Variants in GDAP1 observed in about 807,000 individuals in gnomAD.
GDAP1 encodes ganglioside induced differentiation associated protein 1, also known as ganglioside-induced differentiation-associated protein 1.
In GDAP1, 34 loss-of-function variants were observed where a neutral mutation model predicts 40.1. The observed-to-expected ratio is 0.85, with a 90% confidence interval of 0.64 to 1.13. The LOEUF (loss-of-function observed/expected upper bound fraction) is 1.13, where lower values mean the gene tolerates loss of function less well. Among genes scored for constraint, GDAP1 ranks in the 50% most tolerant of loss-of-function variants. The pLI, the probability that GDAP1 is intolerant of heterozygous loss-of-function variation, is 0.00. For synonymous variants in GDAP1, 170 were observed against 157.4 expected (o/e 1.08, Z -0.60); for missense variants, 374 against 433.7 (o/e 0.86, Z 1.22).
chr8:74,481,272 AG>A (rs1005132853), intron 2 of GDAP1, among the ~76,000 whole-genome samples: 1 of 152,238 alleles, frequency 6.6e-6, no homozygotes, highest in African/African-American at 2.4e-5. Context: ...TTCTCAGAAC[AG>A]TGCCTTCAGC....
chr8:74,376,296 A>G (rs1299574348), intron 2 of GDAP1, among the ~76,000 whole-genome samples: 1 of 152,084 alleles, frequency 6.6e-6, no homozygotes. Flanking sequence ...TGCGAAGGAC[A>G]TAGTAATAGA....
intron 2 of GDAP1, among the ~76,000 whole-genome samples, chr8:74,426,832 A>G (rs989856476): frequency 6.6e-6 from 1 of 152,200 alleles, no homozygotes; most frequent in Non-Finnish European, 1.5e-5. Flanking sequence ...GGAAATACAT[A>G]CAAAATAACT....
At chr8:74,433,945 T>C (rs750539609) in intron 2 of GDAP1, among the ~76,000 whole-genome samples, 1 of 152,246 alleles carries the variant, frequency 6.6e-6, no homozygotes, top group Non-Finnish European at 1.5e-5. Flanking sequence ...TGTGGCTCCA[T>C]GGGGAAGGAA....
chr8:74,480,238 C>T (rs1205822801), intron 2 of GDAP1, among the ~76,000 whole-genome samples: 4 of 152,008 alleles, frequency 2.6e-5, no homozygotes, highest in African/African-American at 4.8e-5. Context: ...TCACCCGCCT[C>T]GGCCTCCCAA....
At chr8:74,418,355 C>A (rs544593720) in intron 2 of GDAP1, among the ~76,000 whole-genome samples, 20 of 152,192 alleles carry the variant, frequency 1.3e-4, no homozygotes, top group African/African-American at 4.3e-4. Flanking sequence ...GTCAATTGAA[C>A]AAAACAGAGA....
At chr8:74,418,350 T>C (rs974534280) in intron 2 of GDAP1, among the ~76,000 whole-genome samples, 1 of 152,182 alleles carries the variant, frequency 6.6e-6, no homozygotes. Flanking sequence ...TATGGGTCAA[T>C]TGAACAAAAC....
intron 2 of GDAP1, among the ~76,000 whole-genome samples, chr8:74,480,755 T>A (rs2128721565): frequency 6.6e-6 from 1 of 152,352 alleles, no homozygotes; most frequent in Non-Finnish European, 1.5e-5. Context: ...ACACTGTGTC[T>A]TTTGAGCTTT....
At chr8:74,485,839 A>G (rs556260035) in intron 2 of GDAP1, among the ~76,000 whole-genome samples, 1 of 152,210 alleles carries the variant, frequency 6.6e-6, no homozygotes, top group East Asian at 1.9e-4. Context: ...GGGAGTGTGG[A>G]CTCTGCTGGA....
intron 2 of GDAP1, among the ~76,000 whole-genome samples, chr8:74,476,098 G>T (rs531071073): frequency 1.3e-5 from 2 of 152,206 alleles, no homozygotes; most frequent in South Asian, 4.2e-4. Context: ...AATTAGGATT[G>T]CAACCCCTTT....
At position 74,441,048 on chromosome 8, in the gene GDAP1, G is replaced by A. The variant is rs905576146; in HGVS notation, c.166-47630G>A. On this transcript the variant is annotated intron_variant, in intron 2 of 2. Transcript: ENST00000523640. ...AAACTATAATTAGCTAGTCTTTAAA[G>A]TATCAGTAATCTGCAAGTATTCTAA... Among the ~76,000 whole-genome samples, 11 of 152,222 alleles carry A rather than the reference G, an allele frequency of 7.2e-5. No individual in the cohort carries two copies. The East Asian group carries it at 1.9e-3, about 27-fold the overall frequency.
intron 2 of GDAP1, among the ~76,000 whole-genome samples, chr8:74,433,103 G>A (rs906789408): frequency 6.6e-5 from 10 of 152,096 alleles, no homozygotes; most frequent in Admixed American, 3.9e-4. Context: ...AGATCCTTCC[G>A]TGGTTGGTGC....
rs1478639182 is a variant in GDAP1, at chr8:74,364,496, T to C, written c.*129T>C. The stretch of plus-strand genomic sequence containing the variant: ...TTTCCTAAAATTCAGAAGTCATCTT[T>C]GTTACACAACACAGGGGTTCAGGTA... On this transcript the variant is annotated 3_prime_UTR_variant, in exon 6 of 6. Transcript: ENST00000220822. 2.1e-6 allele frequency: 2 copies of C among 960,166 alleles called. No homozygotes were observed. The highest frequency in any genetic ancestry group is 2.6e-5 in the South Asian group (2 of 75,920). The allele number at this position is 960,166 out of a possible 1,614,324, so 59.5% of individuals were successfully genotyped here.
At chr8:74,394,062 A>G (rs74967472) in intron 2 of GDAP1, among the ~76,000 whole-genome samples, 1 of 150,432 alleles carries the variant, frequency 6.6e-6, no homozygotes, top group Non-Finnish European at 1.5e-5. Context: ...GACAATTTAC[A>G]AAAAAAAGAG....
Position 74,451,988 on chromosome 8 carries a change from C to T in GDAP1, c.166-36690C>T, listed in dbSNP as rs1311039823. Among the ~76,000 whole-genome samples the T allele has an allele frequency of 9.5e-5, 7 of 73,490 alleles. 3 individuals are homozygous for T. Among genetic ancestry groups the T allele is most frequent in the African/African-American group, 2.3e-4 (4 of 17,296 alleles). 48.2% of individuals were successfully genotyped at this position (73,490 alleles called of 152,430 possible). A position where few individuals can be genotyped will look rare whatever the true frequency, so the allele number is the denominator to read the frequency against. Reference sequence around the variant, plus strand: ...TTTTTGAGACGGAGTCTTGCTCTGTCGCCCAGGCTGGAGTGCAGTGGCGCG... The same window carrying T: ...TTTTTGAGACGGAGTCTTGCTCTGTTGCCCAGGCTGGAGTGCAGTGGCGCG... On this transcript the variant is annotated intron_variant, in intron 2 of 2. Coordinates refer to the GDAP1 transcript ENST00000523640.
At chr8:74,468,522 C>T (rs1317788939) in intron 2 of GDAP1, among the ~76,000 whole-genome samples, 1 of 132,230 alleles carries the variant, frequency 7.6e-6, no homozygotes, top group Non-Finnish European at 1.6e-5. Context: ...CACACACACA[C>T]ACATGAATGT....
At chr8:74,446,826 G>T (rs1806235683) in intron 2 of GDAP1, among the ~76,000 whole-genome samples, 1 of 152,134 alleles carries the variant, frequency 6.6e-6, no homozygotes, top group African/African-American at 2.4e-5. Flanking sequence ...TGTAACACAT[G>T]ATTTCATTTA....
intron 3 of GDAP1, 72 bp from the exon 4 acceptor site, chr8:74,361,812 C>T: frequency 1.1e-6 from 1 of 887,222 alleles, no homozygotes; most frequent in Non-Finnish European, 1.9e-6. Context: ...CATTGAGTTT[C>T]TCTGCTTCTC....
In GDAP1 at chr8:74,461,166, T is replaced by G. The variant is rs10100554; in HGVS notation, c.166-27512T>G. ...ATAAATCTGTCCCACATTTCTCTTG[T>G]AAAAACCTCTGAGACAGCAAGGAAA... On this transcript the variant is annotated intron_variant, in intron 2 of 2. Transcript: ENST00000523640. 5.5e-4 allele frequency among the ~76,000 whole-genome samples: 83 copies of G among 152,268 alleles called. No individual in the cohort carries two copies. In the South Asian group the frequency reaches 0.017, roughly 31 times the overall value.
intron 2 of GDAP1, among the ~76,000 whole-genome samples, chr8:74,385,152 T>C (rs1020373258): frequency 2.0e-5 from 3 of 152,170 alleles, no homozygotes; most frequent in African/African-American, 7.2e-5. Context: ...ATTTTATGGA[T>C]AAAGAGATAG....
Sources: gnomAD v4.1 joint callset for allele counts (sites outside exome capture counted in the v4.1 genomes callset) on GRCh38, gnomAD v4.1.1 for gene constraint, MANE v1.5 for transcripts, NCBI Gene and HGNC (gene_info 2026-07-23, HGNC 2026-07-21) for gene names.